The following AVL9 variants were observed in gnomAD, a reference collection of about 807,000 sequenced individuals.
AVL9 encodes AVL9 cell migration associated.
AVL9 carries 49 observed loss-of-function variants against 79.2 expected under a neutral mutation model. The ratio of observed to expected loss-of-function variants is 0.62; its 90% CI spans 0.49 to 0.79. AVL9 has a LOEUF of 0.79. Ranked by LOEUF, AVL9 falls within the 30% of genes least tolerant of loss-of-function variation. AVL9 has a pLI of 0.00. For missense variants in AVL9, 682 were observed against 776.8 expected (o/e 0.88, Z 1.45); for synonymous variants, 299 against 280.6 (o/e 1.07, Z -0.65).
Position 32,584,096 on chromosome 7 carries a change from T to C in AVL9, c.*189T>C. On this transcript the variant is annotated 3_prime_UTR_variant, in exon 16 of 16. Transcript: ENST00000318709. ...AAATCACAGCCATAGCAGGGATGGC[T>C]TTCCAGGTTGGGGTTTCAATTGACT... The C allele has an allele frequency of 1.6e-6, 1 of 643,238 alleles. No individual in the cohort carries two copies. The highest frequency in any genetic ancestry group is 2.9e-6 in the Non-Finnish European group (1 of 346,664). 39.8% of individuals were successfully genotyped at this position (643,238 alleles called of 1,614,324 possible).
At chr7:32,580,047 TC>T (rs1371696903) in intron 13 of AVL9, among the ~76,000 whole-genome samples, 171 bp from the exon 14 acceptor site, 1 of 152,174 alleles carries the variant, frequency 6.6e-6, no homozygotes. Flanking sequence ...TTTCTGGATG[TC>T]GTCACTGTAA....
chr7:32,519,275 A>T (rs1331182912), intron 1 of AVL9, among the ~76,000 whole-genome samples: 1 of 152,106 alleles, frequency 6.6e-6, no homozygotes, highest in Middle Eastern at 3.2e-3. Flanking sequence ...AAAAATACAA[A>T]AAATTAGCTG....
At chr7:32,509,680 T>C (rs924193629) in intron 1 of AVL9, among the ~76,000 whole-genome samples, 7 of 151,938 alleles carry the variant, frequency 4.6e-5, no homozygotes, top group Non-Finnish European at 1.0e-4. Flanking sequence ...TGAAACCCCA[T>C]CTCTACTAAA....
rs778555705 is a variant in AVL9, at chr7:32,558,974, G to A, written c.725G>A (p.Arg242Gln). The A allele has an allele frequency of 4.8e-5, 77 of 1,611,560 alleles. No homozygotes were observed. The highest frequency in any genetic ancestry group is 6.1e-5 in the Non-Finnish European group (72 of 1,179,010). The change falls in exon 10 of 16, where the codon CGG becomes CAG. Residue 242 changes from arginine to glutamine, a missense_variant. Coordinates refer to ENST00000318709, the MANE Select transcript of AVL9 (RefSeq NM_015060.3). ...AGTGACTGTTCTCAGTATAGACCCC[G>A]GAAAAGTATGTCTGAAGATGGTGGG... ...GLSDCSQYRP[R>Q]KSMSEDGGLQ...
intron 4 of AVL9, among the ~76,000 whole-genome samples, chr7:32,550,221 G>A (rs965523677): frequency 6.6e-6 from 1 of 152,112 alleles, no homozygotes; most frequent in Non-Finnish European, 1.5e-5. Context: ...CATTAATTCT[G>A]TACCAGACAC....
intron 1 of AVL9, among the ~76,000 whole-genome samples, chr7:32,502,856 A>G (rs369077592): frequency 5.6e-4 from 86 of 152,346 alleles, no homozygotes; most frequent in African/African-American, 2.0e-3. Flanking sequence ...CCGGCCAGAC[A>G]GAGAGGTGAC....
Position 32,573,299 on chromosome 7 carries a change from T to G in AVL9, c.1451T>G (p.Val484Gly). Reference sequence around the variant, plus strand: ...TTCGCAGACTACCTAGTGAGGCACGTGACTGAGAATCGGGATGACGTCTTC... The same window carrying G: ...TTCGCAGACTACCTAGTGAGGCACGGGACTGAGAATCGGGATGACGTCTTC... Reference protein sequence around the residue: ...LRFADYLVRHVTENRDDVFLD... With the variant: ...LRFADYLVRHGTENRDDVFLD... Residue 484 changes from valine (V) to glycine (G), a missense_variant, in exon 12 of 16, where the codon GTG (valine) becomes GGG (glycine). Coordinates refer to ENST00000318709, the MANE Select transcript of AVL9 (RefSeq NM_015060.3). 1 of 1,613,778 alleles carries G rather than the reference T, an allele frequency of 6.2e-7. No individual in the cohort carries two copies. Among genetic ancestry groups the G allele is most frequent in the Non-Finnish European group, 8.5e-7 (1 of 1,179,960 alleles).
chr7:32,580,484 G>T (rs1305840752), intron 14 of AVL9, among the ~76,000 whole-genome samples: 1 of 152,176 alleles, frequency 6.6e-6, no homozygotes, highest in Non-Finnish European at 1.5e-5. Flanking sequence ...CTAATAACAG[G>T]ATTTACCATT....
intron 13 of AVL9, among the ~76,000 whole-genome samples, chr7:32,577,564 G>A (rs554775981): frequency 6.6e-6 from 1 of 152,214 alleles, no homozygotes; most frequent in South Asian, 2.1e-4. Flanking sequence ...AAGGCAGGTC[G>A]GCCTTGACTG....
chr7:32,514,733 A>AC (rs1335155602), intron 1 of AVL9, among the ~76,000 whole-genome samples: 1 of 151,720 alleles, frequency 6.6e-6, no homozygotes, highest in African/African-American at 2.4e-5. Context: ...GCACCTCGTG[A>AC]CCCCCACTCC....
At chr7:32,549,990 T>C (rs2128137513) in intron 4 of AVL9, among the ~76,000 whole-genome samples, 1 of 136,532 alleles carries the variant, frequency 7.3e-6, no homozygotes, top group Middle Eastern at 4.1e-3. Context: ...GTCAGAAAAT[T>C]GATCAATTAT....
intron 10 of AVL9, among the ~76,000 whole-genome samples, chr7:32,564,133 G>A (rs1402066257): frequency 6.6e-6 from 1 of 152,186 alleles, no homozygotes; most frequent in Non-Finnish European, 1.5e-5. Flanking sequence ...TGCTGACAAA[G>A]CAATGTAAAG....
Position 32,573,509 on chromosome 7 carries a change from C to T in AVL9, c.1570+91C>T, listed in dbSNP as rs969665215. The T allele has an allele frequency of 7.0e-6, 8 of 1,143,718 alleles. No homozygotes were observed. The Admixed American group carries it at 7.3e-5, about 10-fold the overall frequency. 70.8% of individuals were successfully genotyped at this position (1,143,718 alleles called of 1,614,324 possible). A position where few individuals can be genotyped will look rare whatever the true frequency, so the allele number is the denominator to read the frequency against. On this transcript the variant is annotated intron_variant, in intron 12 of 15. Transcript: ENST00000318709. ...GAGATTTTGGATTGCACAATAAATA[C>T]ATATTCCTTATAGAAAAATTACCAG...
At chr7:32,581,019 T>C in intron 15 of AVL9, 129 bp downstream of exon 15, 1 of 778,636 alleles carries the variant, frequency 1.3e-6, no homozygotes, top group African/African-American at 1.8e-5. Context: ...TACAAGAGTT[T>C]TTTAAATTTT....
At chr7:32,542,920 C>T (rs1018309325) in intron 1 of AVL9, among the ~76,000 whole-genome samples, 1 of 152,180 alleles carries the variant, frequency 6.6e-6, no homozygotes, top group Non-Finnish European at 1.5e-5. Flanking sequence ...TTTAACCGAC[C>T]TTAAATCAGA....
At chr7:32,567,454 A>G (rs1790633690) in intron 10 of AVL9, among the ~76,000 whole-genome samples, 1 of 152,168 alleles carries the variant, frequency 6.6e-6, no homozygotes, top group African/African-American at 2.4e-5. Flanking sequence ...AATTGTATAA[A>G]TATGTAATGT....
intron 1 of AVL9, chr7:32,538,710 A>C (rs1324291895): frequency 2.6e-5 from 4 of 152,102 alleles, no homozygotes; most frequent in Admixed American, 1.3e-4. Context: ...ATTTACAGAA[A>C]ATTTTTTTTG....
chr7:32,558,664 T>TA (rs1438782040), intron 9 of AVL9, 36 bp downstream of exon 9: 1 of 1,496,878 alleles, frequency 6.7e-7, no homozygotes, highest in East Asian at 2.3e-5. Flanking sequence ...TTCTTTTGTT[T>TA]AACTTGTACT....
rs1046131556 is a variant in AVL9, at chr7:32,585,805, T to G, written c.*1898T>G. 2 of 152,100 alleles carry G rather than the reference T, an allele frequency of 1.3e-5. No homozygotes were observed. The highest frequency in any genetic ancestry group is 6.5e-5 in the Admixed American group (1 of 15,278). 9.4% of individuals were successfully genotyped at this position (152,100 alleles called of 1,614,324 possible). On this transcript the variant is annotated 3_prime_UTR_variant, in exon 16 of 16. Transcript: ENST00000318709. Reference sequence around the variant, plus strand: ...TTAATTCCACTTCTTCCAAGAAAGTTAACCTCAGGAAATGCTGTTTGAAGA... The same window carrying G: ...TTAATTCCACTTCTTCCAAGAAAGTGAACCTCAGGAAATGCTGTTTGAAGA...
Sources: gnomAD v4.1 joint callset for allele counts (sites outside exome capture counted in the v4.1 genomes callset) on GRCh38, gnomAD v4.1.1 for gene constraint, MANE v1.5 for transcripts, NCBI Gene and HGNC (gene_info 2026-07-23, HGNC 2026-07-21) for gene names.